The following CMIP variants were observed in gnomAD, a reference collection of about 807,000 sequenced individuals.
CMIP encodes the protein C-Maf-inducing protein.
In CMIP, 13 loss-of-function variants were observed where a neutral mutation model predicts 97.3. The observed-to-expected ratio is 0.13, with a 90% CI of 0.09 to 0.21. The LOEUF is 0.21. CMIP is among the 10% of genes least tolerant of loss of function. The probability of loss-of-function intolerance (pLI) is 1.00; values close to 1 mark genes in which losing one functional copy is unlikely to be tolerated. For missense variants in CMIP, 847 were observed against 1,024.9 expected (o/e 0.83, Z 2.37); for synonymous variants, 538 against 436.3 (o/e 1.23, Z -2.91).
At chr16:81,583,362 C>G (rs1471923458) in intron 1 of CMIP, among the ~76,000 whole-genome samples, 3 of 152,230 alleles carry the variant, frequency 2.0e-5, no homozygotes, top group Non-Finnish European at 2.9e-5. Flanking sequence ...AAAGGAGGCT[C>G]TGTTCTTTAA....
At chr16:81,488,110 AC>A (rs377705752) in intron 1 of CMIP, among the ~76,000 whole-genome samples, 1 of 11,062 alleles carries the variant, frequency 9.0e-5, no homozygotes, top group Non-Finnish European at 1.6e-4. Flanking sequence ...CTGCTGCATG[AC>A]TTTTATTTTA....
chr16:81,451,352 C>A (rs911201167), intron 1 of CMIP, among the ~76,000 whole-genome samples: 8 of 152,226 alleles, frequency 5.3e-5, no homozygotes, highest in African/African-American at 1.9e-4. Flanking sequence ...CACCTTCCAC[C>A]ATGGTTGTAA....
At chr16:81,586,847 A>G (rs2091391586) in intron 1 of CMIP, among the ~76,000 whole-genome samples, 1 of 152,194 alleles carries the variant, frequency 6.6e-6, no homozygotes, top group East Asian at 1.9e-4. Context: ...ATGTTAGACA[A>G]ATGAACCGAG....
chr16:81,680,660 C>T (rs985712581), intron 10 of CMIP, among the ~76,000 whole-genome samples: 6 of 152,246 alleles, frequency 3.9e-5, no homozygotes, highest in Non-Finnish European at 1.5e-5. Context: ...GAGAGCCACT[C>T]CAAGAATACG....
At chr16:81,480,739 C>T (rs1456317075) in intron 1 of CMIP, among the ~76,000 whole-genome samples, 2 of 152,170 alleles carry the variant, frequency 1.3e-5, no homozygotes, top group Admixed American at 6.5e-5. Context: ...TTCACGTTCT[C>T]TCATTTTACC....
chr16:81,486,037 A>C (rs1357798032), intron 1 of CMIP, among the ~76,000 whole-genome samples: 2 of 152,114 alleles, frequency 1.3e-5, no homozygotes, highest in East Asian at 3.8e-4. Flanking sequence ...AGAGCCTGGC[A>C]CCCGGCCTGA....
chr16:81,677,966 G>A (rs150746122), intron 9 of CMIP, among the ~76,000 whole-genome samples: 15 of 152,364 alleles, frequency 9.8e-5, no homozygotes, highest in South Asian at 6.2e-4. Flanking sequence ...TGGCTGTCAC[G>A]TGAAGATCAG....
intron 1 of CMIP, among the ~76,000 whole-genome samples, chr16:81,575,741 A>G (rs771382489): frequency 3.2e-4 from 49 of 152,280 alleles, no homozygotes; most frequent in South Asian, 8.3e-4. Context: ...TGGGCCCTGA[A>G]GAGCTCTGAG....
chr16:81,515,259 T>A (rs921149598), intron 1 of CMIP, among the ~76,000 whole-genome samples: 1 of 152,204 alleles, frequency 6.6e-6, no homozygotes, highest in Non-Finnish European at 1.5e-5. Context: ...CTGAACCCTC[T>A]CACCTGTCAG....
intron 1 of CMIP, among the ~76,000 whole-genome samples, chr16:81,483,593 TCCTCTTCCTCTC>T (rs1555521407): frequency 3.5e-5 from 5 of 141,382 alleles, no homozygotes; most frequent in East Asian, 2.0e-4. Flanking sequence ...CTCTTCCTCT[TCCTCTTCCTCTC>T]CCTCTCCCTG....
intron 1 of CMIP, among the ~76,000 whole-genome samples, chr16:81,560,814 C>T (rs1260504336): frequency 6.6e-6 from 1 of 152,224 alleles, no homozygotes; most frequent in Non-Finnish European, 1.5e-5. Context: ...CAATAACATT[C>T]TGTACAGGTT....
At chr16:81,454,401 A>G (rs1160208982) in intron 1 of CMIP, among the ~76,000 whole-genome samples, 1 of 152,224 alleles carries the variant, frequency 6.6e-6, no homozygotes, top group Non-Finnish European at 1.5e-5. Context: ...TGCACCTGGT[A>G]GATGCACATG....
At chr16:81,586,489 C>T (rs758013626) in intron 1 of CMIP, among the ~76,000 whole-genome samples, 2 of 152,164 alleles carry the variant, frequency 1.3e-5, no homozygotes, top group Non-Finnish European at 2.9e-5. Context: ...CCTAGTGTCT[C>T]CCGTACTAGG....
At chr16:81,618,541 G>A (rs1469982424) in intron 2 of CMIP, 1 of 151,610 alleles carries the variant, frequency 6.6e-6, no homozygotes, top group African/African-American at 2.4e-5. Context: ...CTTGGTGTGT[G>A]AGGAAGCACA....
At chr16:81,484,504 A>G (rs1402534414) in intron 1 of CMIP, among the ~76,000 whole-genome samples, 1 of 152,146 alleles carries the variant, frequency 6.6e-6, no homozygotes, top group Non-Finnish European at 1.5e-5. Flanking sequence ...CCTGGCTGCA[A>G]AACCAACCTC....
At chr16:81,535,764 C>A (rs753675428) in intron 1 of CMIP, among the ~76,000 whole-genome samples, 4 of 152,114 alleles carry the variant, frequency 2.6e-5, no homozygotes, top group African/African-American at 4.8e-5. Flanking sequence ...TACCCACCTT[C>A]CCCTCCCACC....
At position 81,595,743 on chromosome 16, in the gene CMIP, A is replaced by G. The variant is rs181071487; in HGVS notation, c.301-11824A>G. On this transcript the variant is annotated intron_variant, in intron 1 of 20. Coordinates refer to ENST00000537098, the MANE Select transcript of CMIP (RefSeq NM_198390.3). The stretch of plus-strand genomic sequence containing the variant: ...GGTAATGTCTTTTTTTTATCGCTGC[A>G]TAATACTCCATTGAATGGATAGACA... Among the ~76,000 whole-genome samples, 55 of 152,298 alleles carry G rather than the reference A, an allele frequency of 3.6e-4. 1 individual carries two copies. The highest frequency in any genetic ancestry group is 2.0e-3 in the Admixed American group (31 of 15,300).
Position 81,553,521 on chromosome 16 carries a change from G to A in CMIP, c.301-54046G>A, listed in dbSNP as rs74029175. On this transcript the variant is annotated intron_variant, in intron 1 of 20. Transcript: ENST00000537098. The stretch of plus-strand genomic sequence containing the variant: ...ATATTCCAAACAGAGCCCACTGCCT[G>A]TCCCGGCGCCAGCTTCGAACAGGGG... Among the ~76,000 whole-genome samples the A allele has an allele frequency of 2.6e-3, 397 of 152,284 alleles. 1 individual carries two copies. The highest frequency in any genetic ancestry group is 9.1e-3 in the African/African-American group (380 of 41,568).
At chr16:81,479,529 C>T (rs1313822067) in intron 1 of CMIP, among the ~76,000 whole-genome samples, 2 of 152,136 alleles carry the variant, frequency 1.3e-5, no homozygotes, top group Non-Finnish European at 2.9e-5. Flanking sequence ...CCCCTGGCAG[C>T]CACCATTCTC....
Sources: gnomAD v4.1 joint callset for allele counts (sites outside exome capture counted in the v4.1 genomes callset) on GRCh38, gnomAD v4.1.1 for gene constraint, MANE v1.5 for transcripts, NCBI Gene and HGNC (gene_info 2026-07-23, HGNC 2026-07-21) for gene names.